The following PSMD2 variants were observed in gnomAD, a reference collection of about 807,000 sequenced individuals.
PSMD2 encodes 26S proteasome non-ATPase regulatory subunit 2.
A neutral mutation model predicts 101.5 loss-of-function variants in PSMD2; 8 were observed. That is an observed-to-expected ratio of 0.08 (90% CI 0.05 to 0.14). The LOEUF is 0.14. Ranked by LOEUF, PSMD2 falls within the 10% of genes least tolerant of loss-of-function variation. PSMD2 has a pLI of 1.00. For missense variants in PSMD2, 784 were observed against 1,147.4 expected (o/e 0.68, Z 4.58); for synonymous variants, 418 against 433.8 (o/e 0.96, Z 0.45).
chr3:184,306,742 C>T lies in PSMD2; in HGVS notation c.1951-9C>T. On this transcript the variant is annotated splice_polypyrimidine_tract_variant and intron_variant, in intron 15 of 20. Coordinates refer to ENST00000310118, the MANE Select transcript of PSMD2 (RefSeq NM_002808.5). ...AGCTTAATGGGTTCTGCTCTCTCTTCAATTGCAGGGAGTGGCTGTTCTGGG... is the reference window on the plus strand; with the variant it reads ...AGCTTAATGGGTTCTGCTCTCTCTTTAATTGCAGGGAGTGGCTGTTCTGGG... 1 of 1,612,034 alleles carries T rather than the reference C, an allele frequency of 6.2e-7. No individual in the cohort carries two copies. Among genetic ancestry groups the T allele is most frequent in the Non-Finnish European group, 8.5e-7 (1 of 1,178,848 alleles).
chr3:184,304,167 A>C lies in PSMD2; in HGVS notation c.1451+93A>C. ...CTTTTCACCCATATTGCCAAGGGCT[A>C]CCACTGTGCCTATTGGGTATCTGGC... On this transcript the variant is annotated intron_variant, in intron 11 of 20. Transcript: ENST00000310118. The surrounding 1 kb of genome is among the most constrained non-coding windows in gnomAD (Gnocchi z 4.1). The C allele has an allele frequency of 6.4e-7, 1 of 1,566,586 alleles. No homozygotes were observed. Among genetic ancestry groups the C allele is most frequent in the Non-Finnish European group, 8.8e-7 (1 of 1,137,772 alleles).
In PSMD2 at chr3:184,304,126, G is replaced by C. The variant is rs1481101412; in HGVS notation, c.1451+52G>C. 5 of 1,608,984 alleles carry C rather than the reference G, an allele frequency of 3.1e-6. No homozygotes were observed. The South Asian group carries it at 5.5e-5, about 18-fold the overall frequency. On this transcript the variant is annotated intron_variant, in intron 11 of 20. Coordinates refer to ENST00000310118, the MANE Select transcript of PSMD2 (RefSeq NM_002808.5). The surrounding 1 kb of genome is among the most constrained non-coding windows in gnomAD (Gnocchi z 4.1). ...TAGTGCTCAGCCTGTACACTCTGGA[G>C]AACAGGAACTGGGCCCTTTTCACCC...
chr3:184,303,484 C>T lies in PSMD2; in HGVS notation c.1216+18C>T. On this transcript the variant is annotated intron_variant, in intron 9 of 20. Transcript: ENST00000310118. ...GGACCACGGTATAATTCTGTTCCTG[C>T]TTTGTCTTTTGTTTTGCTTTGATCA... The T allele has an allele frequency of 1.9e-6, 3 of 1,612,294 alleles. No homozygotes were observed. The highest frequency in any genetic ancestry group is 2.5e-6 in the Non-Finnish European group (3 of 1,179,082).
rs1560196674 is a variant in PSMD2 at position 184,306,844 on chromosome 3, G to A, written c.2034+10G>A. On this transcript the variant is annotated intron_variant, in intron 16 of 20. Coordinates refer to ENST00000310118, the MANE Select transcript of PSMD2 (RefSeq NM_002808.5). ...AACCTTTGGCCACTTGGTGAGTATAGCATGAAGAAAATTGGAATATACTGG... is the reference window on the plus strand; with the variant it reads ...AACCTTTGGCCACTTGGTGAGTATAACATGAAGAAAATTGGAATATACTGG... 2 of 1,610,014 alleles carry A rather than the reference G, an allele frequency of 1.2e-6. No homozygotes were observed. The highest frequency in any genetic ancestry group is 1.1e-5 in the South Asian group (1 of 90,482).
In PSMD2 at chr3:184,308,484, C is replaced by T. The variant is rs1302986574; in HGVS notation, c.2461C>T (p.Leu821=). ...CAAATCACACTATGTATTGTATGGG[C>T]TGGTGGCTGCCATGCAGCCCCGAAT... ...LGKSHYVLYG[L]VAAMQPRMLV... The change falls in exon 20 of 21, where the codon CTG becomes TTG. Residue 821 remains leucine, a synonymous_variant. Coordinates refer to ENST00000310118, the MANE Select transcript of PSMD2 (RefSeq NM_002808.5). The surrounding 1 kb of genome is among the most constrained non-coding windows in gnomAD (Gnocchi z 6.0). The T allele has an allele frequency of 3.1e-6, 5 of 1,612,386 alleles. No homozygotes were observed. The highest frequency in any genetic ancestry group is 1.3e-5 in the African/African-American group (1 of 74,988).
At chr3:184,301,766 C>T in intron 4 of PSMD2, 81 bp from the exon 5 acceptor site, 1 of 1,608,860 alleles carries the variant, frequency 6.2e-7, no homozygotes, top group Non-Finnish European at 8.5e-7. Flanking sequence ...TATTGAATTT[C>T]CCAGACGCTG....
chr3:184,305,253 G>A (rs188220115), intron 12 of PSMD2, among the ~76,000 whole-genome samples: 8 of 152,318 alleles, frequency 5.3e-5, no homozygotes, highest in Admixed American at 4.6e-4. Flanking sequence ...CACTTTGGGA[G>A]GCCGAGGTGG....
At position 184,308,612 on chromosome 3, in the gene PSMD2, C is replaced by T; in HGVS notation, c.2544+45C>T. The T allele has an allele frequency of 6.3e-7, 1 of 1,588,156 alleles. No homozygotes were observed. The highest frequency in any genetic ancestry group is 8.6e-7 in the Non-Finnish European group (1 of 1,158,336). On this transcript the variant is annotated intron_variant, in intron 20 of 20. Coordinates refer to ENST00000310118, the MANE Select transcript of PSMD2 (RefSeq NM_002808.5). This position sits in a 1 kb window ranked among gnomAD's most constrained non-coding sequence, Gnocchi z 6.0. ...GGAGGGCTCAGGCTGTATTCTCAAACTGGAGAATGTACATATACTTGCTTT... is the reference window on the plus strand; with the variant it reads ...GGAGGGCTCAGGCTGTATTCTCAAATTGGAGAATGTACATATACTTGCTTT...
chr3:184,302,506 A>G lies in PSMD2; in HGVS notation c.841A>G (p.Ile281Val), dbSNP rs1316093327. Residue 281 changes from isoleucine (I) to valine (V), a missense_variant, in exon 6 of 21, where the codon ATC (isoleucine) becomes GTC (valine). Transcript: ENST00000310118. Reference protein sequence around the residue: ...MLNDMELVEDIFTSCKDVVVQ... With the variant: ...MLNDMELVEDVFTSCKDVVVQ... ...CAATGACATGGAGTTGGTAGAAGAC[A>G]TCTTCACCTCCTGCAAGGATGTGTA... The G allele has an allele frequency of 6.2e-7, 1 of 1,614,208 alleles. No individual in the cohort carries two copies. Among genetic ancestry groups the G allele is most frequent in the Non-Finnish European group, 8.5e-7 (1 of 1,180,038 alleles).
chr3:184,299,952 C>CAA (rs1300231919), intron 2 of PSMD2, 45 bp downstream of exon 2: 2 of 1,565,400 alleles, frequency 1.3e-6, no homozygotes, highest in African/African-American at 2.7e-5. Flanking sequence ...TTGGATCTTT[C>CAA]CCACTTGTTT....
chr3:184,306,060 G>A lies in PSMD2; in HGVS notation c.1709G>A (p.Gly570Asp), dbSNP rs1311133173. 6.2e-7 allele frequency: 1 copy of A among 1,614,092 alleles called. No homozygotes were observed. The highest frequency in any genetic ancestry group is 1.3e-5 in the African/African-American group (1 of 74,934). The change falls in exon 14 of 21, where the codon GGT becomes GAT. Residue 570 changes from glycine (G) to aspartate (D), a missense_variant. This residue lies in a region of PSMD2 where 282 missense variants were observed against 437.6 expected (regional missense o/e 0.64). Transcript: ENST00000310118. ...CCTTGAATCTGTCCTGTAGGGAAGG[G>A]TGAGGCCATCGAGGCAATCCTGGCT... Reference protein sequence around the residue: ...LGLGLNHLGKGEAIEAILAAL... With the variant: ...LGLGLNHLGKDEAIEAILAAL...
rs1297262629 is a variant in PSMD2 at position 184,304,808 on chromosome 3, T to G, written c.1539+417T>G. 2.6e-5 allele frequency among the ~76,000 whole-genome samples: 4 copies of G among 152,118 alleles called. No individual in the cohort carries two copies. The highest frequency in any genetic ancestry group is 6.5e-5 in the Admixed American group (1 of 15,278). Reference sequence around the variant, plus strand: ...AGGGAAGCTGAGGTGGGAGAATTGCTTGAACCCAGAGGTGGAGGTTGCAGT... The same window carrying G: ...AGGGAAGCTGAGGTGGGAGAATTGCGTGAACCCAGAGGTGGAGGTTGCAGT... On this transcript the variant is annotated intron_variant, in intron 12 of 20. Transcript: ENST00000310118. This position sits in a 1 kb window ranked among gnomAD's most constrained non-coding sequence, Gnocchi z 4.1.
At chr3:184,306,328 C>T (rs1483414620) in intron 14 of PSMD2, 22 bp from the exon 15 acceptor site, 3 of 1,609,874 alleles carry the variant, frequency 1.9e-6, no homozygotes, top group Non-Finnish European at 2.5e-6. Context: ...TCTGTCCATT[C>T]TCCCTCACCA....
Position 184,299,283 on chromosome 3 carries a change from G to C in PSMD2, c.17G>C (p.Arg6Pro). The C allele has an allele frequency of 7.3e-7, 1 of 1,361,016 alleles. No homozygotes were observed. Among genetic ancestry groups the C allele is most frequent in the South Asian group, 1.6e-5 (1 of 60,636 alleles). The allele number at this position is 1,361,016 out of a possible 1,614,324, so 84.3% of individuals were successfully genotyped here. MEEGG[R>P]DKAPVQPQQS... The stretch of plus-strand genomic sequence containing the variant: ...GCGGCGGAGATGGAGGAGGGAGGCC[G>C]GGACAAGGCGCCGGTGCAGCCCCAG... The change falls in exon 1 of 21, where the codon CGG becomes CCG. Residue 6 changes from arginine to proline, a missense_variant. Transcript: ENST00000310118.
chr3:184,302,233 C>G (rs1054059120), intron 5 of PSMD2, 137 bp from the exon 6 acceptor site: 2 of 1,170,280 alleles, frequency 1.7e-6, no homozygotes, highest in Non-Finnish European at 2.4e-6. Flanking sequence ...GACTTTGTGT[C>G]TTCTTAGTAG....
rs888241618 is a variant in PSMD2, at chr3:184,307,885, T to C, written c.2299-5T>C. The C allele has an allele frequency of 3.7e-6, 6 of 1,614,096 alleles. No homozygotes were observed. In the Admixed American group the frequency reaches 8.3e-5, roughly 22 times the overall value. Reference sequence around the variant, plus strand: ...CTCACCTCTACTTCCCTCTGTTTTTTTCAGGGCCTGACACATTTAGGGAAG... The same window carrying C: ...CTCACCTCTACTTCCCTCTGTTTTTCTCAGGGCCTGACACATTTAGGGAAG... On this transcript the variant is annotated splice_region_variant and splice_polypyrimidine_tract_variant and intron_variant, in intron 18 of 20. Transcript: ENST00000310118.
At chr3:184,303,778 G>T in intron 10 of PSMD2, 29 bp downstream of exon 10, 1 of 1,610,796 alleles carries the variant, frequency 6.2e-7, no homozygotes, top group Middle Eastern at 1.7e-4. Context: ...TGCTCATGGG[G>T]ACTTCCCCGT....
intron 12 of PSMD2, among the ~76,000 whole-genome samples, chr3:184,305,478 ACT>A (rs1212057600): frequency 7.7e-6 from 1 of 130,208 alleles, no homozygotes; most frequent in African/African-American, 2.7e-5. Context: ...ATAGAGCGAG[ACT>A]CTGTCTCAAA....
intron 12 of PSMD2, 144 bp from the exon 13 acceptor site, chr3:184,305,624 T>C (rs1721806505): frequency 1.3e-6 from 1 of 749,598 alleles, no homozygotes; most frequent in Admixed American, 2.9e-5. Context: ...CAATGAATAA[T>C]GACTACTATT....
Sources: allele counts gnomAD v4.1 joint callset (sites outside exome capture counted in the v4.1 genomes callset), GRCh38; gene constraint gnomAD v4.1.1; regional missense constraint gnomAD v4.1.1; non-coding constraint Gnocchi (gnomAD v3.1); transcripts MANE v1.5; gene names NCBI Gene and HGNC (gene_info 2026-07-23, HGNC 2026-07-21).